The following MTUS1 variants were observed in gnomAD, a reference collection of about 807,000 sequenced individuals.
MTUS1 encodes the protein microtubule-associated tumor suppressor 1.
In MTUS1, 109 loss-of-function variants were observed where a neutral mutation model predicts 120.8. The ratio of observed to expected loss-of-function variants is 0.90; its 90% confidence interval spans 0.77 to 1.06. The LOEUF (loss-of-function observed/expected upper bound fraction) is 1.06. Among genes scored for constraint, MTUS1 ranks in the 50% least tolerant of loss-of-function variants. The probability of loss-of-function intolerance (pLI) is 0.00; values close to 1 mark genes in which losing one functional copy is unlikely to be tolerated. For missense variants in MTUS1, 2,210 were observed against 1,486.3 expected (o/e 1.49, Z -8.01); for synonymous variants, 737 against 550.5 (o/e 1.34, Z -4.74).
intron 6 of MTUS1, chr8:17,697,540 A>G: frequency 7.1e-7 from 1 of 1,403,428 alleles, no homozygotes; most frequent in Non-Finnish European, 9.3e-7. Flanking sequence ...GAAGAAAAAA[A>G]TCCCCCAGGG....
chr8:17,754,798 A>T lies in MTUS1; in HGVS notation c.1010T>A (p.Leu337Gln). ...SYRHKEMGQN[L>Q]RETVSYCLID... Reference sequence around the variant, plus strand: ...AAGACAATAGGACACTGTCTCTCTCAGATTTTGGCCCATTTCCTTGTGCCT... The same window carrying T: ...AAGACAATAGGACACTGTCTCTCTCTGATTTTGGCCCATTTCCTTGTGCCT... The change falls in exon 2 of 15, where the codon CTG (leucine) becomes CAG (glutamine). Residue 337 changes from leucine to glutamine, a missense_variant. Physicochemically the swap from Leu to Gln is moderately radical, Grantham distance 113 (BLOSUM62 -2). Coordinates refer to ENST00000693296, the MANE Select transcript of MTUS1 (RefSeq NM_001363059.2). The T allele has an allele frequency of 1.2e-6, 2 of 1,614,222 alleles. No homozygotes were observed. The highest frequency in any genetic ancestry group is 1.7e-6 in the Non-Finnish European group (2 of 1,180,030).
rs1221392930 is a variant in MTUS1, at chr8:17,739,126, G to A, written c.2287+4478C>T. ...TCAGTGCACTCCGGCCTGGACGACA[G>A]AGTGAAAATGTCTCAAAAAAACAAA... is the stretch of plus-strand genomic sequence containing the variant. On this transcript the variant is annotated intron_variant, in intron 3 of 14. Coordinates refer to ENST00000693296, the MANE Select transcript of MTUS1 (RefSeq NM_001363059.2). 3.3e-5 allele frequency among the ~76,000 whole-genome samples: 5 copies of A among 152,174 alleles called. No homozygotes were observed. In the South Asian group the frequency reaches 8.3e-4, roughly 25 times the overall value.
intron 3 of MTUS1, among the ~76,000 whole-genome samples, chr8:17,724,619 A>C (rs898328376): frequency 6.6e-6 from 1 of 152,182 alleles, no homozygotes; most frequent in East Asian, 1.9e-4. Context: ...TGAAATAAAT[A>C]TACAGGCTGC....
At chr8:17,710,826 C>G (rs1821134213) in intron 6 of MTUS1, among the ~76,000 whole-genome samples, 3 of 152,186 alleles carry the variant, frequency 2.0e-5, no homozygotes, top group Admixed American at 2.0e-4. Context: ...GATCCATGGG[C>G]TGCAAAGTGG....
chr8:17,720,601 G>T (rs142714758), intron 4 of MTUS1, among the ~76,000 whole-genome samples: 19 of 152,252 alleles, frequency 1.2e-4, no homozygotes, highest in Admixed American at 1.3e-4. Flanking sequence ...AGTGGAAGAG[G>T]AAGTAATGTC....
chr8:17,759,252 C>T (rs988609066), intron 1 of MTUS1, among the ~76,000 whole-genome samples: 6 of 151,406 alleles, frequency 4.0e-5, no homozygotes, highest in African/African-American at 1.5e-4. Context: ...TTGTTTTTAC[C>T]AGTTGTCTTT....
intron 13 of MTUS1, among the ~76,000 whole-genome samples, chr8:17,649,021 T>C (rs1025263355): frequency 2.6e-5 from 4 of 152,266 alleles, no homozygotes; most frequent in African/African-American, 9.6e-5. Context: ...TTCTAGACAC[T>C]GCAAAGTGAA....
chr8:17,685,306 G>T lies in MTUS1; in HGVS notation c.2624-764C>A, dbSNP rs143333892. ...CCCTTCCTGTGCAATGGTGCCCTGG[G>T]TATTACTCTGTTTTAAATAAAAAAC... On this transcript the variant is annotated intron_variant, in intron 6 of 14. Transcript: ENST00000693296. Among the ~76,000 whole-genome samples, 206 of 151,914 alleles carry T rather than the reference G, an allele frequency of 1.4e-3. 3 individuals carry two copies. Among genetic ancestry groups the T allele is most frequent in the African/African-American group, 4.5e-3 (187 of 41,436 alleles).
chr8:17,780,492 T>G lies in MTUS1; in HGVS notation c.-155+20569A>C, dbSNP rs544624321. Among the ~76,000 whole-genome samples the G allele has an allele frequency of 3.5e-4, 54 of 152,302 alleles. 1 individual carries two copies. The highest frequency in any genetic ancestry group is 1.2e-3 in the African/African-American group (50 of 41,568). On this transcript the variant is annotated intron_variant, in intron 1 of 14. Coordinates refer to ENST00000693296, the MANE Select transcript of MTUS1 (RefSeq NM_001363059.2). ...CCTGCCCATTTCCTTCTTGTCCTAG[T>G]GTTCCTGGTTTTCAACAAAAGACAC... is the stretch of plus-strand genomic sequence containing the variant.
chr8:17,785,961 G>C (rs745770681), intron 1 of MTUS1, among the ~76,000 whole-genome samples: 2 of 152,106 alleles, frequency 1.3e-5, no homozygotes, highest in Non-Finnish European at 2.9e-5. Flanking sequence ...GGGCGACACA[G>C]TGAGACTCTG....
intron 1 of MTUS1, among the ~76,000 whole-genome samples, chr8:17,774,069 C>G (rs556264110): frequency 6.6e-6 from 1 of 152,168 alleles, no homozygotes; most frequent in Non-Finnish European, 1.5e-5. Context: ...TAAAGGCAGT[C>G]CCCAACCCAC....
At chr8:17,783,768 G>C (rs951757228) in intron 1 of MTUS1, among the ~76,000 whole-genome samples, 1 of 152,090 alleles carries the variant, frequency 6.6e-6, no homozygotes, top group African/African-American at 2.4e-5. Flanking sequence ...AGTACCCCCA[G>C]CAGTAATTTC....
chr8:17,648,036 A>G (rs1224914022), intron 13 of MTUS1, among the ~76,000 whole-genome samples: 1 of 152,184 alleles, frequency 6.6e-6, no homozygotes, highest in Non-Finnish European at 1.5e-5. Context: ...ATTATGAAGG[A>G]TTCCCAGATA....
At position 17,755,074 on chromosome 8, in the gene MTUS1, G is replaced by A. The variant is rs2048499232; in HGVS notation, c.734C>T (p.Ala245Val). 3 of 1,613,780 alleles carry A rather than the reference G, an allele frequency of 1.9e-6. No homozygotes were observed. Among genetic ancestry groups the A allele is most frequent in the Admixed American group, 1.7e-5 (1 of 60,030 alleles). The change falls in exon 2 of 15, where the codon GCA (alanine) becomes GTA (valine). Residue 245 changes from alanine to valine, a missense_variant. By Grantham distance (64) the Ala-to-Val change is moderately conservative. Transcript: ENST00000693296. ...PSEAQDMTYT[A>V]FSDVVMQSEV... Reference sequence around the variant, plus strand: ...ACTTTGCATCACCACATCAGAAAATGCTGTGTAAGTCATGTCTTGGGCTTC... The same window carrying A: ...ACTTTGCATCACCACATCAGAAAATACTGTGTAAGTCATGTCTTGGGCTTC...
At chr8:17,656,183 G>T in intron 8 of MTUS1, 118 bp from the exon 9 acceptor site, 1 of 869,542 alleles carries the variant, frequency 1.2e-6, no homozygotes. Flanking sequence ...GATGTCTTGG[G>T]TCTCTAGTGA....
At chr8:17,788,405 C>T (rs1440132707) in intron 1 of MTUS1, among the ~76,000 whole-genome samples, 1 of 152,188 alleles carries the variant, frequency 6.6e-6, no homozygotes, top group African/African-American at 2.4e-5. Context: ...TCCTACCCAA[C>T]AGAAACCCTT....
rs764824777 is a variant in MTUS1 at position 17,653,293 on chromosome 8, T to C, written c.3289-12A>G. 1 of 1,534,268 alleles carries C rather than the reference T, an allele frequency of 6.5e-7. No homozygotes were observed. Among genetic ancestry groups the C allele is most frequent in the Non-Finnish European group, 8.8e-7 (1 of 1,137,924 alleles). On this transcript the variant is annotated splice_polypyrimidine_tract_variant and intron_variant, in intron 11 of 14. Transcript: ENST00000693296. ...TCATTGATTTGCTTCTAAAACACAATGAAATGTGGAACTTAAGTTAACAAG... is the reference window on the plus strand; with the variant it reads ...TCATTGATTTGCTTCTAAAACACAACGAAATGTGGAACTTAAGTTAACAAG...
intron 8 of MTUS1, among the ~76,000 whole-genome samples, chr8:17,672,386 G>A (rs184389030): frequency 1.3e-5 from 2 of 152,298 alleles, no homozygotes; most frequent in South Asian, 2.1e-4. Flanking sequence ...TGGGACAGAA[G>A]AGATACAAAG....
At chr8:17,792,524 GAGTA>G (rs941612599) in intron 1 of MTUS1, among the ~76,000 whole-genome samples, 1 of 152,144 alleles carries the variant, frequency 6.6e-6, no homozygotes, top group Non-Finnish European at 1.5e-5. Flanking sequence ...TTCAAATTAA[GAGTA>G]AGTAAATCCC....
Sources: allele counts gnomAD v4.1 joint callset (sites outside exome capture counted in the v4.1 genomes callset), GRCh38; gene constraint gnomAD v4.1.1; transcripts MANE v1.5; gene names NCBI Gene and HGNC (gene_info 2026-07-23, HGNC 2026-07-21).